Variants in OSMR observed in about 807,000 individuals in gnomAD.
OSMR encodes the protein oncostatin-M-specific receptor subunit beta.
Under a neutral mutation model 99.9 loss-of-function variants are expected in OSMR, and 81 were observed. That is an observed-to-expected ratio of 0.81 (90% confidence interval 0.68 to 0.97). The LOEUF is 0.97. Ranked by LOEUF, OSMR falls within the 50% of genes least tolerant of loss-of-function variation. OSMR has a pLI of 0.00. For synonymous variants in OSMR, 406 were observed against 410.4 expected (o/e 0.99, Z 0.13); for missense variants, 1,099 against 1,153.4 (o/e 0.95, Z 0.68).
intron 11 of OSMR, chr5:38,919,531 G>A (rs1442997464): frequency 8.5e-6 from 3 of 354,422 alleles, no homozygotes; most frequent in East Asian, 1.6e-4. Flanking sequence ...TGCCAACTTT[G>A]TAGAATAAAA....
At chr5:38,857,898 C>T (rs917151176) in intron 1 of OSMR, among the ~76,000 whole-genome samples, 11 of 152,098 alleles carry the variant, frequency 7.2e-5, no homozygotes, top group African/African-American at 2.7e-4. Context: ...AAACTCCTGA[C>T]CTCAGGTGAT....
chr5:38,932,415 C>T lies in OSMR; in HGVS notation c.2295-48C>T, dbSNP rs201415411. 27 of 1,364,126 alleles carry T rather than the reference C, an allele frequency of 2.0e-5. No individual in the cohort carries two copies. The African/African-American group carries it at 2.4e-4, about 12-fold the overall frequency. 84.5% of individuals were successfully genotyped at this position (1,364,126 alleles called of 1,614,324 possible). A position where few individuals can be genotyped will look rare whatever the true frequency, so the allele number is the denominator to read the frequency against. On this transcript the variant is annotated intron_variant, in intron 16 of 17. Transcript: ENST00000274276. ...GACTCCAGAGTTCTTGCTCTTAACT[C>T]GTCCACTGTACTGTGAAATTCAGTC...
chr5:38,927,011 T>C (rs1412073516), intron 15 of OSMR, among the ~76,000 whole-genome samples: 1 of 152,284 alleles, frequency 6.6e-6, no homozygotes, highest in African/African-American at 2.4e-5. Context: ...CGAAATCCAA[T>C]AGGGCAGTCA....
chr5:38,849,623 A>G (rs1020986331), intron 1 of OSMR, among the ~76,000 whole-genome samples: 1 of 152,204 alleles, frequency 6.6e-6, no homozygotes, highest in Non-Finnish European at 1.5e-5. Context: ...AAGTTTAATA[A>G]AATCCTATTT....
intron 3 of OSMR, 48 bp from the exon 4 acceptor site, chr5:38,881,545 T>C: frequency 6.2e-7 from 1 of 1,614,004 alleles, no homozygotes; most frequent in Non-Finnish European, 8.5e-7. Context: ...AGCTATTTTA[T>C]AGGACAAGAT....
intron 1 of OSMR, among the ~76,000 whole-genome samples, chr5:38,860,216 C>T (rs186803476): frequency 3.2e-4 from 48 of 152,178 alleles, no homozygotes; most frequent in Admixed American, 1.2e-3. Context: ...TCATATGTGG[C>T]CTTTATTATG....
chr5:38,908,000 C>G (rs1392874989), intron 9 of OSMR, among the ~76,000 whole-genome samples: 1 of 152,138 alleles, frequency 6.6e-6, no homozygotes, highest in African/African-American at 2.4e-5. Flanking sequence ...CCCACTCCTG[C>G]TGACACTGCC....
chr5:38,892,798 C>T (rs1744243507), intron 7 of OSMR, among the ~76,000 whole-genome samples: 1 of 151,990 alleles, frequency 6.6e-6, no homozygotes, highest in Non-Finnish European at 1.5e-5. Context: ...AGTCCTAGAA[C>T]AGGGGAGTGA....
intron 1 of OSMR, among the ~76,000 whole-genome samples, chr5:38,850,830 T>C (rs1039355675): frequency 6.6e-6 from 1 of 152,202 alleles, no homozygotes; most frequent in African/African-American, 2.4e-5. Flanking sequence ...ATCTCCCTAA[T>C]GGGGGATTTT....
intron 1 of OSMR, among the ~76,000 whole-genome samples, chr5:38,856,242 G>T (rs1740830928): frequency 2.0e-5 from 3 of 152,206 alleles, no homozygotes; most frequent in African/African-American, 7.2e-5. Flanking sequence ...CCATGAGGAA[G>T]CCTGTTCCTA....
intron 2 of OSMR, among the ~76,000 whole-genome samples, chr5:38,870,992 A>C (rs764485141): frequency 4.6e-5 from 7 of 152,166 alleles, no homozygotes; most frequent in Non-Finnish European, 1.0e-4. Flanking sequence ...CCTTGTAGGG[A>C]GTGTCTGGTG....
intron 9 of OSMR, among the ~76,000 whole-genome samples, chr5:38,911,150 A>C (rs1208940916): frequency 2.0e-5 from 3 of 152,234 alleles, no homozygotes; most frequent in Non-Finnish European, 4.4e-5. Flanking sequence ...CAACGAATCC[A>C]GGAGTTATTA....
intron 7 of OSMR, among the ~76,000 whole-genome samples, chr5:38,901,835 G>T (rs1744910264): frequency 6.6e-6 from 1 of 152,198 alleles, no homozygotes; most frequent in Non-Finnish European, 1.5e-5. Context: ...TGGTGGGTTT[G>T]CTGGTCAATT....
Position 38,909,012 on chromosome 5 carries a change from T to C in OSMR, c.1285+4509T>C, listed in dbSNP as rs1745412471. Among the ~76,000 whole-genome samples, 3 of 152,236 alleles carry C rather than the reference T, an allele frequency of 2.0e-5. No individual in the cohort carries two copies. In the South Asian group the frequency reaches 6.2e-4, roughly 32 times the overall value. ...GAAAGTGAAAACCCAATCCGAGGAA[T>C]CTAAGGAATACAACAAAATGACACA... is the stretch of plus-strand genomic sequence containing the variant. On this transcript the variant is annotated intron_variant, in intron 9 of 17. Transcript: ENST00000274276.
chr5:38,866,878 G>T (rs747340267), intron 1 of OSMR, among the ~76,000 whole-genome samples: 12 of 152,138 alleles, frequency 7.9e-5, no homozygotes, highest in Non-Finnish European at 1.8e-4. Flanking sequence ...AACCACTGGG[G>T]ATCTCTCACT....
At chr5:38,849,097 G>A (rs937794728) in intron 1 of OSMR, among the ~76,000 whole-genome samples, 1 of 152,162 alleles carries the variant, frequency 6.6e-6, no homozygotes, top group Non-Finnish European at 1.5e-5. Flanking sequence ...TTATCCTAAA[G>A]TAGAAATAGA....
At position 38,861,407 on chromosome 5, in the gene OSMR, AG is replaced by A. The variant is rs535164681; in HGVS notation, c.-13-7624del. Among the ~76,000 whole-genome samples the A allele has an allele frequency of 3.9e-3, 593 of 152,288 alleles. 7 individuals are homozygous for A. The highest frequency in any genetic ancestry group is 0.014 in the African/African-American group (570 of 41,558). On this transcript the variant is annotated intron_variant, in intron 1 of 17. Transcript: ENST00000274276. The stretch of plus-strand genomic sequence containing the variant: ...AATCCATTTAAACCTGAGTGGACAC[AG>A]CACATGTTTCAGAGAGCACAGGGTT...
At chr5:38,897,011 T>G (rs930255645) in intron 7 of OSMR, among the ~76,000 whole-genome samples, 2 of 152,174 alleles carry the variant, frequency 1.3e-5, no homozygotes, top group Non-Finnish European at 2.9e-5. Flanking sequence ...CACTTGGTCA[T>G]GATGAATGAT....
exon 3 of OSMR, chr5:38,944,969 T>C: frequency 6.2e-7 from 1 of 1,613,984 alleles, no homozygotes; most frequent in South Asian, 1.1e-5. Flanking sequence ...AGACACCCCA[T>C]CACTGCATCC....
Sources: gnomAD v4.1 joint callset for allele counts (sites outside exome capture counted in the v4.1 genomes callset) on GRCh38, gnomAD v4.1.1 for gene constraint, MANE v1.5 for transcripts, NCBI Gene and HGNC (gene_info 2026-07-23, HGNC 2026-07-21) for gene names.